The following OXR1 variants were observed in gnomAD, a reference collection of about 807,000 sequenced individuals.
OXR1 encodes oxidation resistance protein 1.
OXR1 carries 41 observed loss-of-function variants against 104.6 expected under a neutral mutation model. The ratio of observed to expected loss-of-function variants is 0.39; its 90% confidence interval spans 0.31 to 0.51. OXR1 has a LOEUF of 0.51. OXR1 is among the 20% of genes least tolerant of loss of function. The pLI is 0.77. For synonymous variants in OXR1, 348 were observed against 348.4 expected, an observed-to-expected ratio of 1.00 and a Z score of 0.01; for missense variants, 955 against 1,031.9, an observed-to-expected ratio of 0.93 and a Z score of 1.02.
intron 2 of OXR1, among the ~76,000 whole-genome samples, chr8:106,444,597 A>G (rs900204073): frequency 1.3e-5 from 2 of 152,150 alleles, no homozygotes; most frequent in Non-Finnish European, 2.9e-5. Flanking sequence ...ACAGCGAACC[A>G]AACACCGCAT....
intron 2 of OXR1, among the ~76,000 whole-genome samples, chr8:106,518,663 C>G: frequency 6.6e-6 from 1 of 152,158 alleles, no homozygotes; most frequent in Non-Finnish European, 1.5e-5. Context: ...ATCTTTGACA[C>G]TATATTTTAA....
chr8:106,733,123 C>T (rs1304431121), intron 11 of OXR1, among the ~76,000 whole-genome samples: 1 of 152,104 alleles, frequency 6.6e-6, no homozygotes, highest in African/African-American at 2.4e-5. Context: ...AACTCATAGG[C>T]TCAAGTGATC....
chr8:106,497,972 A>G (rs1403983297), intron 2 of OXR1, among the ~76,000 whole-genome samples: 1 of 152,032 alleles, frequency 6.6e-6, no homozygotes, highest in African/African-American at 2.4e-5. Context: ...AAACTGATTT[A>G]TGGGATTAAT....
intron 2 of OXR1, among the ~76,000 whole-genome samples, chr8:106,496,899 CTG>C (rs1291923997): frequency 6.6e-6 from 1 of 152,146 alleles, no homozygotes; most frequent in African/African-American, 2.4e-5. Flanking sequence ...TCCATGCAAT[CTG>C]TGACGGAGGT....
chr8:106,727,963 A>G (rs570683561), intron 11 of OXR1, among the ~76,000 whole-genome samples: 20 of 152,162 alleles, frequency 1.3e-4, no homozygotes, highest in Non-Finnish European at 2.6e-4. Flanking sequence ...ACCCTAGCAC[A>G]TATTGTAGTT....
At chr8:106,739,720 C>G in intron 13 of OXR1, 137 bp downstream of exon 13, 1 of 714,278 alleles carries the variant, frequency 1.4e-6, no homozygotes, top group Non-Finnish European at 2.2e-6. Flanking sequence ...AAAGAGTAAG[C>G]AAAACATAGC....
At chr8:106,277,367 T>C (rs1812091826) in intron 1 of OXR1, among the ~76,000 whole-genome samples, 1 of 152,204 alleles carries the variant, frequency 6.6e-6, no homozygotes, top group South Asian at 2.1e-4. Flanking sequence ...CTGTGATGAT[T>C]CGGTGACATA....
At chr8:106,457,845 A>T (rs1458165204) in intron 2 of OXR1, among the ~76,000 whole-genome samples, 1 of 152,228 alleles carries the variant, frequency 6.6e-6, no homozygotes, top group Non-Finnish European at 1.5e-5. Context: ...CCTGAGGACT[A>T]TATGGAAGAC....
At chr8:106,470,672 T>G (rs1204903827) in intron 2 of OXR1, among the ~76,000 whole-genome samples, 1 of 151,632 alleles carries the variant, frequency 6.6e-6, no homozygotes, top group Non-Finnish European at 1.5e-5. Flanking sequence ...ACTGAGGCAG[T>G]AAGTGTAGAT....
intron 7 of OXR1, chr8:106,698,061 G>A (rs540940482): frequency 1.5e-6 from 2 of 1,328,494 alleles, no homozygotes; most frequent in Admixed American, 1.7e-5. Context: ...GGGCTGGAGA[G>A]CGGCACACTC....
chr8:106,380,165 C>T (rs961953981), intron 2 of OXR1, among the ~76,000 whole-genome samples: 2 of 150,248 alleles, frequency 1.3e-5, no homozygotes, highest in Middle Eastern at 6.4e-3. Context: ...CTTTCTGTCT[C>T]TATGGATTTG....
At chr8:106,423,356 C>T (rs1257980234) in intron 2 of OXR1, among the ~76,000 whole-genome samples, 1 of 152,176 alleles carries the variant, frequency 6.6e-6, no homozygotes, top group African/African-American at 2.4e-5. Flanking sequence ...GACCATCCTA[C>T]TTTATCAGTG....
intron 12 of OXR1, among the ~76,000 whole-genome samples, chr8:106,738,903 T>TA (rs750419633): frequency 2.0e-5 from 3 of 151,972 alleles, no homozygotes; most frequent in Non-Finnish European, 2.9e-5. Context: ...AGAAAGCATT[T>TA]AAAAAAATGG....
chr8:106,306,824 C>A (rs1448972979), intron 1 of OXR1, among the ~76,000 whole-genome samples: 2 of 151,990 alleles, frequency 1.3e-5, no homozygotes, highest in Admixed American at 6.6e-5. Context: ...AACTGCTAAC[C>A]CTTACCCAAC....
chr8:106,375,903 G>A (rs1816888586), intron 2 of OXR1, among the ~76,000 whole-genome samples: 1 of 152,226 alleles, frequency 6.6e-6, no homozygotes, highest in Admixed American at 6.5e-5. Context: ...AGGCCAGGAT[G>A]CAATGGCATG....
At position 106,302,444 on chromosome 8, in the gene OXR1, G is replaced by A. The variant is rs562904614; in HGVS notation, c.-139+32077G>A. 3.9e-5 allele frequency among the ~76,000 whole-genome samples: 6 copies of A among 151,964 alleles called. No homozygotes were observed. The East Asian group carries it at 9.9e-4, about 25-fold the overall frequency. On this transcript the variant is annotated intron_variant, in intron 1 of 16. Transcript: ENST00000517566. Reference sequence around the variant, plus strand: ...AAAAATACAAAAAGAAATTAAGCCCGGCGTGGTGGCGGGCACCTGTAGTCC... The same window carrying A: ...AAAAATACAAAAAGAAATTAAGCCCAGCGTGGTGGCGGGCACCTGTAGTCC...
At chr8:106,542,341 A>G (rs1247692678) in intron 3 of OXR1, among the ~76,000 whole-genome samples, 2 of 152,190 alleles carry the variant, frequency 1.3e-5, no homozygotes, top group Non-Finnish European at 2.9e-5. Flanking sequence ...CTGGTGTTGC[A>G]CTTGACTGGG....
chr8:106,282,034 C>T (rs1289946515), intron 1 of OXR1, among the ~76,000 whole-genome samples: 2 of 151,822 alleles, frequency 1.3e-5, no homozygotes, highest in African/African-American at 4.8e-5. Flanking sequence ...TACAACTTTC[C>T]CCCTACCCCA....
intron 6 of OXR1, among the ~76,000 whole-genome samples, chr8:106,691,863 G>C (rs759057246): frequency 6.0e-5 from 9 of 150,440 alleles, no homozygotes; most frequent in Non-Finnish European, 1.2e-4. Context: ...TGGTTTGTGT[G>C]TTGATAACAT....
Sources: gnomAD v4.1 joint callset for allele counts (sites outside exome capture counted in the v4.1 genomes callset) on GRCh38, gnomAD v4.1.1 for gene constraint, MANE v1.5 for transcripts, NCBI Gene and HGNC (gene_info 2026-07-23, HGNC 2026-07-21) for gene names.